The following QSOX2 variants were observed in gnomAD, a reference collection of about 807,000 sequenced individuals.
The protein encoded by QSOX2 is sulfhydryl oxidase 2.
A neutral mutation model predicts 61.7 loss-of-function variants in QSOX2; 46 were observed. The ratio of observed to expected loss-of-function variants is 0.75; its 90% confidence interval spans 0.59 to 0.95. The LOEUF (loss-of-function observed/expected upper bound fraction) is 0.95, where lower values mean the gene tolerates loss of function less well. QSOX2 is among the 40% of genes least tolerant of loss of function. The probability of loss-of-function intolerance (pLI) is 0.00; values close to 1 mark genes in which losing one functional copy is unlikely to be tolerated. For missense variants in QSOX2, 879 were observed against 918.9 expected (o/e 0.96, Z 0.56); for synonymous variants, 383 against 388.4 (o/e 0.99, Z 0.16).
chr9:136,235,760 T>A (rs1588640674), intron 1 of QSOX2, among the ~76,000 whole-genome samples: 1 of 152,296 alleles, frequency 6.6e-6, no homozygotes, highest in Middle Eastern at 3.4e-3. Context: ...CTCTGGTGGC[T>A]ACAGAGGCAG....
intron 10 of QSOX2, among the ~76,000 whole-genome samples, chr9:136,212,996 T>G (rs2131050087): frequency 1.3e-5 from 2 of 152,212 alleles, no homozygotes; most frequent in Middle Eastern, 3.4e-3. Flanking sequence ...CTCTTACAAT[T>G]CCACTACACT....
At chr9:136,237,274 A>T (rs2131068495) in intron 1 of QSOX2, among the ~76,000 whole-genome samples, 1 of 136,258 alleles carries the variant, frequency 7.3e-6, no homozygotes, top group South Asian at 2.4e-4. Context: ...CGTCACCTGG[A>T]GCCCGTCCTG....
intron 2 of QSOX2, 46 bp from the exon 3 acceptor site, chr9:136,224,955 C>T: frequency 1.4e-6 from 2 of 1,449,808 alleles, no homozygotes; most frequent in Non-Finnish European, 1.9e-6. Flanking sequence ...CTTCCATGGG[C>T]ATCTGCATGT....
intron 1 of QSOX2, among the ~76,000 whole-genome samples, chr9:136,228,749 G>A (rs1324138096): frequency 6.6e-6 from 1 of 152,250 alleles, no homozygotes; most frequent in Non-Finnish European, 1.5e-5. Flanking sequence ...CCTTGTGACC[G>A]GAAGCCCAGT....
chr9:136,243,666 A>C (rs973687893), intron 1 of QSOX2, among the ~76,000 whole-genome samples: 34 of 152,156 alleles, frequency 2.2e-4, no homozygotes, highest in African/African-American at 8.0e-4. Context: ...TGGCCACTAC[A>C]CTTATTGGCT....
chr9:136,240,394 C>A (rs10858251), intron 1 of QSOX2, among the ~76,000 whole-genome samples: 40,049 of 152,074 alleles, frequency 0.26, 5,403 homozygotes, highest in Admixed American at 0.35. Flanking sequence ...TCAAATCGTT[C>A]TAGAAAATGA....
Position 136,224,091 on chromosome 9 carries a change from G to A in QSOX2, c.500C>T (p.Thr167Ile). 1 of 1,614,040 alleles carries A rather than the reference G, an allele frequency of 6.2e-7. No homozygotes were observed. The highest frequency in any genetic ancestry group is 8.5e-7 in the Non-Finnish European group (1 of 1,180,012). Residue 167 changes from threonine to isoleucine, a missense_variant, in exon 4 of 12, where the codon ACA becomes ATA. By Grantham distance (89) the Thr-to-Ile change is moderately conservative. Coordinates refer to ENST00000358701, the MANE Select transcript of QSOX2 (RefSeq NM_181701.4). The part of the protein sequence containing the change: ...NFKGPDRELR[T>I]VRQTMIDFLQ... ...GAAGTCAATCATCGTCTGTCTGACT[G>A]TTCGCAGCTCTCGGTCAGGTCCTGC...
At position 136,219,158 on chromosome 9, in the gene QSOX2, C is replaced by T. The variant is rs777745198; in HGVS notation, c.828G>A (p.Lys276=). 1.9e-6 allele frequency: 3 copies of T among 1,613,472 alleles called. No homozygotes were observed. ...NGSHGLINVV[K]PLRAFFSSYL... ...AAGACGAAAAGAAGGCCCGCAGAGG[C>T]TTCACGCTGTGAGAGAGGGGAGGGC... The change falls in exon 7 of 12, where the codon AAG becomes AAA. Residue 276 remains lysine, a synonymous_variant. Transcript: ENST00000358701.
At chr9:136,234,935 T>C (rs999146078) in intron 1 of QSOX2, among the ~76,000 whole-genome samples, 1 of 151,872 alleles carries the variant, frequency 6.6e-6, no homozygotes, top group Non-Finnish European at 1.5e-5. Flanking sequence ...CCCGCTCCCT[T>C]TACCGGGCTC....
chr9:136,234,946 G>C (rs576750943), intron 1 of QSOX2, among the ~76,000 whole-genome samples: 1 of 151,934 alleles, frequency 6.6e-6, no homozygotes, highest in Non-Finnish European at 1.5e-5. Context: ...TACCGGGCTC[G>C]TTCCTATTTG....
At chr9:136,240,796 T>C (rs1021357062) in intron 1 of QSOX2, among the ~76,000 whole-genome samples, 4 of 152,220 alleles carry the variant, frequency 2.6e-5, no homozygotes, top group Non-Finnish European at 5.9e-5. Flanking sequence ...CCCCAGCATT[T>C]AACTCAATTC....
intron 10 of QSOX2, among the ~76,000 whole-genome samples, chr9:136,214,805 G>A (rs530977615): frequency 2.0e-5 from 3 of 152,354 alleles, no homozygotes; most frequent in East Asian, 3.9e-4. Flanking sequence ...AGCTGATAAT[G>A]AGAACACCTC....
In QSOX2 at chr9:136,209,201, C is replaced by T; in HGVS notation, c.1624G>A (p.Glu542Lys). 6.2e-7 allele frequency: 1 copy of T among 1,614,198 alleles called. No individual in the cohort carries two copies. The highest frequency in any genetic ancestry group is 1.1e-5 in the South Asian group (1 of 91,092). The part of the protein sequence containing the change: ...TPDLCPACHE[E>K]IKGLASWDEG... ...TCCCAGCTGGCCAGGCCCTTAATTT[C>T]CTCATGGCAGGCTGGGCAGAGGTCC... Residue 542 changes from glutamate to lysine, a missense_variant, in exon 12 of 12, where the codon GAA becomes AAA. By Grantham distance (56) the Glu-to-Lys change is moderately conservative. Coordinates refer to ENST00000358701, the MANE Select transcript of QSOX2 (RefSeq NM_181701.4). This position sits in a 1 kb window ranked among gnomAD's most constrained non-coding sequence, Gnocchi z 5.6.
In QSOX2 at chr9:136,209,579, C is replaced by G. The variant is rs1831821162; in HGVS notation, c.1550-304G>C. 10 of 985,414 alleles carry G rather than the reference C, an allele frequency of 1.0e-5. No individual in the cohort carries two copies. The highest frequency in any genetic ancestry group is 1.2e-5 in the Non-Finnish European group (10 of 829,930). 61.0% of individuals were successfully genotyped at this position (985,414 alleles called of 1,614,324 possible). On this transcript the variant is annotated intron_variant, in intron 11 of 11. Transcript: ENST00000358701. This position sits in a 1 kb window ranked among gnomAD's most constrained non-coding sequence, Gnocchi z 5.6. ...CCCAGACCACACCTGTCCCAAACCA[C>G]CCAGCACTCCACTTCCAAAACGGAG...
Position 136,223,682 on chromosome 9 carries a change from C to T in QSOX2, c.675+81G>A, listed in dbSNP as rs1830249161. 6.6e-6 allele frequency: 7 copies of T among 1,058,876 alleles called. No individual in the cohort carries two copies. The highest frequency in any genetic ancestry group is 8.6e-6 in the Non-Finnish European group (6 of 700,292). The allele number at this position is 1,058,876 out of a possible 1,614,324, so 65.6% of individuals were successfully genotyped here. A position where few individuals can be genotyped will look rare whatever the true frequency, so the allele number is the denominator to read the frequency against. ...CACGAGATGCCGACACAGTGACCGG[C>T]ACCTGCAAATCTCATCACAGATCCA... On this transcript the variant is annotated intron_variant, in intron 5 of 11. Transcript: ENST00000358701. The surrounding 1 kb of genome is among the most constrained non-coding windows in gnomAD (Gnocchi z 4.4).
At position 136,208,375 on chromosome 9, in the gene QSOX2, GGAAAC is replaced by G. The variant is rs1831801253; in HGVS notation, c.*348_*352del. 1 of 177,882 alleles carries G rather than the reference GGAAAC, an allele frequency of 5.6e-6. No homozygotes were observed. The highest frequency in any genetic ancestry group is 2.4e-5 in the African/African-American group (1 of 41,648). The allele number at this position is 177,882 out of a possible 1,614,324, so 11.0% of individuals were successfully genotyped here. A position where few individuals can be genotyped will look rare whatever the true frequency, so the allele number is the denominator to read the frequency against. On this transcript the variant is annotated 3_prime_UTR_variant, in exon 12 of 12. Transcript: ENST00000358701. ...GCCCTGCAGGATGGGGCGGAGTGGA[GGAAAC>G]GAGATGAAAGTGTGTGGGGAAGACT... is the stretch of plus-strand genomic sequence containing the variant.
Position 136,221,621 on chromosome 9 carries a change from A to C in QSOX2, c.821+175T>G, listed in dbSNP as rs62579015. Reference sequence around the variant, plus strand: ...AGAAAACAGAAATCCACGAAAACACAGCACAGATCAGCAATACCCACGGGC... The same window carrying C: ...AGAAAACAGAAATCCACGAAAACACCGCACAGATCAGCAATACCCACGGGC... On this transcript the variant is annotated intron_variant, in intron 6 of 11. Transcript: ENST00000358701. The surrounding 1 kb of genome is among the most constrained non-coding windows in gnomAD (Gnocchi z 4.5). Among the ~76,000 whole-genome samples, 8,307 of 152,314 alleles carry C rather than the reference A, an allele frequency of 0.055. 302 individuals are homozygous for C. Among genetic ancestry groups the C allele is most frequent in the African/African-American group, 0.093 (3,879 of 41,568 alleles).
intron 8 of QSOX2, among the ~76,000 whole-genome samples, chr9:136,217,361 C>T (rs929785312): frequency 6.6e-6 from 1 of 152,222 alleles, no homozygotes; most frequent in African/African-American, 2.4e-5. Flanking sequence ...TCCGAAAACC[C>T]GAGCTGAAAT....
intron 1 of QSOX2, among the ~76,000 whole-genome samples, chr9:136,239,726 T>C (rs924703715): frequency 1.3e-5 from 2 of 152,214 alleles, no homozygotes; most frequent in African/African-American, 4.8e-5. Flanking sequence ...TGAAGGGGCA[T>C]GCGGGCACCC....
Sources: gnomAD v4.1 joint callset for allele counts (sites outside exome capture counted in the v4.1 genomes callset) on GRCh38, gnomAD v4.1.1 for gene constraint, Gnocchi (gnomAD v3.1) non-coding constraint, MANE v1.5 for transcripts, NCBI Gene and HGNC (gene_info 2026-07-23, HGNC 2026-07-21) for gene names.